MARCHF3: variants seen among roughly 807,000 people sequenced by gnomAD.
MARCHF3 encodes the protein membrane associated ring-CH-type finger 3.
MARCHF3 carries 13 observed loss-of-function variants against 24.2 expected under a neutral mutation model. That is an observed-to-expected ratio of 0.54 (90% CI 0.35 to 0.85). The LOEUF (loss-of-function observed/expected upper bound fraction) is 0.85, where lower values mean the gene tolerates loss of function less well. Among genes scored for constraint, MARCHF3 ranks in the 40% least tolerant of loss-of-function variants. MARCHF3 has a pLI of 0.01. For missense variants in MARCHF3, 276 were observed against 325.0 expected, an observed-to-expected ratio of 0.85 and a Z score of 1.16; for synonymous variants, 144 against 137.3, an observed-to-expected ratio of 1.05 and a Z score of -0.34.
chr5:126,920,596 T>A (rs1333861753), intron 1 of MARCHF3, among the ~76,000 whole-genome samples: 1 of 152,132 alleles, frequency 6.6e-6, no homozygotes, highest in Non-Finnish European at 1.5e-5. Context: ...TCCCTCCCTC[T>A]ACTTGATGGA....
chr5:126,877,216 C>G (rs377556107), intron 4 of MARCHF3, among the ~76,000 whole-genome samples: 1 of 152,194 alleles, frequency 6.6e-6, no homozygotes, highest in African/African-American at 2.4e-5. Context: ...CTGGGAGACA[C>G]AGAAAGGGAG....
chr5:126,915,101 G>T lies in MARCHF3; in HGVS notation c.222C>A (p.Cys74Ter). ...AGTCCTCTTGGCTGCTGCCCTCGTG[G>T]CAGATCCTGCACATCGGCCGGTCAT... is the stretch of plus-strand genomic sequence containing the variant. ...PFNDRPMCRI[C>*]HEGSSQEDLL... The change falls in exon 3 of 5, where the codon TGC (cysteine) becomes TGA (stop). Residue 74 changes from cysteine (C) to a stop codon, truncating the protein, a stop_gained. Transcript: ENST00000308660. LOFTEE classifies it high-confidence loss of function. 6.2e-7 allele frequency: 1 copy of T among 1,614,090 alleles called. No homozygotes were observed. The highest frequency in any genetic ancestry group is 8.5e-7 in the Non-Finnish European group (1 of 1,180,040).
rs527838745 is a variant in MARCHF3, at chr5:126,870,301, T to C, written c.*332A>G. 4.7e-4 allele frequency: 87 copies of C among 183,834 alleles called. No homozygotes were observed. The highest frequency in any genetic ancestry group is 2.0e-3 in the African/African-American group (85 of 43,054). The allele number at this position is 183,834 out of a possible 1,614,324, so 11.4% of individuals were successfully genotyped here. On this transcript the variant is annotated 3_prime_UTR_variant, in exon 5 of 5. Transcript: ENST00000308660. ...TATGTGTGTGTGTTTGAAATAGTAA[T>C]AAAAAAGGAAGAATTGAATTGCATC... is the stretch of plus-strand genomic sequence containing the variant.
At chr5:126,901,402 G>T (rs1220665170) in intron 3 of MARCHF3, among the ~76,000 whole-genome samples, 2 of 152,078 alleles carry the variant, frequency 1.3e-5, no homozygotes, top group Non-Finnish European at 2.9e-5. Context: ...ATCAAGATCT[G>T]TGCCTATTCT....
At chr5:127,028,905 C>T (rs1475004685) in intron 1 of MARCHF3, among the ~76,000 whole-genome samples, 1 of 152,180 alleles carries the variant, frequency 6.6e-6, no homozygotes, top group Non-Finnish European at 1.5e-5. Context: ...CTAAGAGTTG[C>T]CCCCTACCCA....
intron 1 of MARCHF3, among the ~76,000 whole-genome samples, chr5:126,960,956 C>T (rs1308109132): frequency 6.6e-6 from 1 of 152,058 alleles, no homozygotes; most frequent in Non-Finnish European, 1.5e-5. Flanking sequence ...GCTAAGTACT[C>T]ACTAGAATGA....
chr5:127,006,733 G>T lies in MARCHF3; in HGVS notation c.-57+23617C>A, dbSNP rs114611208. On this transcript the variant is annotated intron_variant, in intron 1 of 4. Coordinates refer to ENST00000308660, the MANE Select transcript of MARCHF3 (RefSeq NM_178450.5). ...CAAGATACCAAACAAACTTCTGTGA[G>T]GTACAAAAGATTTTCATGGTCCTTT... Among the ~76,000 whole-genome samples, 193 of 152,224 alleles carry T rather than the reference G, an allele frequency of 1.3e-3. 2 individuals carry two copies. Among genetic ancestry groups the T allele is most frequent in the African/African-American group, 4.5e-3 (186 of 41,512 alleles).
At chr5:127,018,330 C>G (rs1454275939) in intron 1 of MARCHF3, among the ~76,000 whole-genome samples, 1 of 152,050 alleles carries the variant, frequency 6.6e-6, no homozygotes, top group Non-Finnish European at 1.5e-5. Context: ...AAGATCATGA[C>G]AGTGCACTCC....
Position 126,918,129 on chromosome 5 carries a change from C to T in MARCHF3, c.43G>A (p.Asp15Asn), listed in dbSNP as rs1285589426. ...RCSHLPEVLP[D>N]CTSSAAPVVK... The stretch of plus-strand genomic sequence containing the variant: ...ACGGGTGCAGCTGAGCTGGTGCAGT[C>T]TGGCAGGACTTCGGGCAGGTGACTG... The change falls in exon 2 of 5, where the codon GAC becomes AAC. Residue 15 changes from aspartate to asparagine, a missense_variant. Asp to Asn is a conservative substitution (Grantham distance 23). Coordinates refer to ENST00000308660, the MANE Select transcript of MARCHF3 (RefSeq NM_178450.5). 4.3e-6 allele frequency: 7 copies of T among 1,614,010 alleles called. No homozygotes were observed. In the Admixed American group the frequency reaches 1.2e-4, roughly 27 times the overall value.
At chr5:126,909,918 C>T (rs1754458276) in intron 3 of MARCHF3, among the ~76,000 whole-genome samples, 1 of 152,180 alleles carries the variant, frequency 6.6e-6, no homozygotes, top group South Asian at 2.1e-4. Flanking sequence ...ATCTCCCTAG[C>T]TTTATATCCT....
At chr5:127,008,345 G>A (rs902322946) in intron 1 of MARCHF3, among the ~76,000 whole-genome samples, 1 of 152,188 alleles carries the variant, frequency 6.6e-6, no homozygotes, top group Non-Finnish European at 1.5e-5. Flanking sequence ...TGGCTCCAGA[G>A]AAACCCTCCA....
At chr5:127,029,268 T>A (rs1753097915) in intron 1 of MARCHF3, among the ~76,000 whole-genome samples, 1 of 152,166 alleles carries the variant, frequency 6.6e-6, no homozygotes, top group Non-Finnish European at 1.5e-5. Context: ...CGCATCTACA[T>A]CTTCATATAC....
intron 1 of MARCHF3, among the ~76,000 whole-genome samples, chr5:127,002,158 C>G (rs1053844492): frequency 1.6e-3 from 245 of 152,306 alleles, no homozygotes; most frequent in African/African-American, 5.7e-3. Context: ...ACCAGGAAGA[C>G]GTTAACCCTA....
At position 126,944,906 on chromosome 5, in the gene MARCHF3, C is replaced by T. The variant is rs573203193; in HGVS notation, c.-56-26679G>A. 8.3e-4 allele frequency among the ~76,000 whole-genome samples: 127 copies of T among 152,262 alleles called. 1 individual carries two copies. Among genetic ancestry groups the T allele is most frequent in the African/African-American group, 3.0e-3 (126 of 41,544 alleles). ...GGTATTATTTTTATTACATATAGCC[C>T]TTATCCTTGCCTCTCCCATTCCTTC... On this transcript the variant is annotated intron_variant, in intron 1 of 4. Transcript: ENST00000308660.
rs116656214 is a variant in MARCHF3, at chr5:126,967,174, C to A, written c.-56-48947G>T. On this transcript the variant is annotated intron_variant, in intron 1 of 4. Coordinates refer to ENST00000308660, the MANE Select transcript of MARCHF3 (RefSeq NM_178450.5). The stretch of plus-strand genomic sequence containing the variant: ...CAGAACTATATGTAGAACAGTGATC[C>A]CCAGCTATTGATTTTCAATCCAGCA... Among the ~76,000 whole-genome samples the A allele has an allele frequency of 1.2e-3, 178 of 151,322 alleles. No individual in the cohort carries two copies. The Middle Eastern group carries it at 0.031, about 26-fold the overall frequency.
intron 1 of MARCHF3, among the ~76,000 whole-genome samples, chr5:127,014,870 G>A (rs1385977576): frequency 6.6e-6 from 1 of 152,120 alleles, no homozygotes; most frequent in Non-Finnish European, 1.5e-5. Context: ...CTATGTAGGT[G>A]GAACAAGTTC....
At chr5:126,898,902 A>G (rs751488283) in intron 3 of MARCHF3, 4 of 985,184 alleles carry the variant, frequency 4.1e-6, no homozygotes, top group South Asian at 4.7e-5. Flanking sequence ...TCTGACTTCA[A>G]TCTTCACAAA....
rs1176982155 is a variant in MARCHF3, at chr5:126,868,645, G to A, written c.*1988C>T. 3 of 152,200 alleles carry A rather than the reference G, an allele frequency of 2.0e-5. No homozygotes were observed. The highest frequency in any genetic ancestry group is 4.4e-5 in the Non-Finnish European group (3 of 68,046). The allele number at this position is 152,200 out of a possible 1,614,324, so 9.4% of individuals were successfully genotyped here. A position where few individuals can be genotyped will look rare whatever the true frequency, so the allele number is the denominator to read the frequency against. ...TCCGCTGCTTCCTTAATTCATGCAA[G>A]AAACAGGGAGAAGGGGTATGGTCCT... is the stretch of plus-strand genomic sequence containing the variant. On this transcript the variant is annotated 3_prime_UTR_variant, in exon 5 of 5. Coordinates refer to ENST00000308660, the MANE Select transcript of MARCHF3 (RefSeq NM_178450.5).
intron 1 of MARCHF3, among the ~76,000 whole-genome samples, chr5:127,009,505 A>G (rs888861658): frequency 2.0e-5 from 3 of 152,180 alleles, no homozygotes; most frequent in Non-Finnish European, 4.4e-5. Flanking sequence ...GCTCTTATAA[A>G]TGACATTTTT....
Sources: gnomAD v4.1 joint callset for allele counts (sites outside exome capture counted in the v4.1 genomes callset) on GRCh38, gnomAD v4.1.1 for gene constraint, MANE v1.5 for transcripts, NCBI Gene and HGNC (gene_info 2026-07-23, HGNC 2026-07-21) for gene names.